Variants in CNTN4 observed in about 807,000 individuals in gnomAD.
The protein encoded by CNTN4 is contactin-4.
In CNTN4, 77 loss-of-function variants were observed where a neutral mutation model predicts 122.5. The ratio of observed to expected loss-of-function variants is 0.63; its 90% confidence interval spans 0.52 to 0.76. The LOEUF is 0.76. CNTN4 is among the 30% of genes least tolerant of loss of function. The pLI, the probability that CNTN4 is intolerant of heterozygous loss-of-function variation, is 0.00. For missense variants in CNTN4, 1,256 were observed against 1,259.1 expected, an observed-to-expected ratio of 1.00 and a Z score of 0.04; for synonymous variants, 512 against 447.0, an observed-to-expected ratio of 1.15 and a Z score of -1.83.
intron 3 of CNTN4, among the ~76,000 whole-genome samples, chr3:2,564,807 G>C (rs1442334298): frequency 6.6e-6 from 1 of 152,066 alleles, no homozygotes; most frequent in Non-Finnish European, 1.5e-5. Context: ...AGTATATTTT[G>C]AGAAATCCGT....
At chr3:2,121,568 G>C (rs546709738) in intron 2 of CNTN4, among the ~76,000 whole-genome samples, 1 of 151,846 alleles carries the variant, frequency 6.6e-6, no homozygotes, top group African/African-American at 2.4e-5. Context: ...ATTGTAAGTT[G>C]GTTACTATAG....
In CNTN4 at chr3:2,950,402, TTTGGGAAGCCCCAAACACA is replaced by T. The variant is rs531014524; in HGVS notation, c.1358+24625_1358+24643del. On this transcript the variant is annotated intron_variant, in intron 13 of 24. Coordinates refer to ENST00000418658, the MANE Select transcript of CNTN4 (RefSeq NM_175607.3). ...AATGGGCCTGAACCTGCCAAATGAG[TTTGGGAAGCCCCAAACACA>T]TCGGTAGCTTGTTATATAAGCATCT... Among the ~76,000 whole-genome samples, 227 of 152,206 alleles carry T rather than the reference TTTGGGAAGCCCCAAACACA, an allele frequency of 1.5e-3. 10 individuals are homozygous for T. In the South Asian group the frequency reaches 0.045, roughly 30 times the overall value.
intron 4 of CNTN4, among the ~76,000 whole-genome samples, chr3:2,720,448 G>A (rs536799032): frequency 1.6e-4 from 25 of 152,222 alleles, no homozygotes; most frequent in African/African-American, 5.3e-4. Context: ...GGTTTTCTGG[G>A]ACTTACACCT....
At chr3:2,567,056 C>T (rs1327327326) in intron 3 of CNTN4, among the ~76,000 whole-genome samples, 1 of 151,182 alleles carries the variant, frequency 6.6e-6, no homozygotes, top group South Asian at 2.1e-4. Context: ...TCACCCTCCT[C>T]GTAGACTTCA....
intron 4 of CNTN4, among the ~76,000 whole-genome samples, chr3:2,630,536 T>C (rs1254420851): frequency 6.6e-6 from 1 of 152,222 alleles, no homozygotes; most frequent in Non-Finnish European, 1.5e-5. Context: ...TGCTTTACGT[T>C]ACCTATTGGC....
intron 14 of CNTN4, among the ~76,000 whole-genome samples, chr3:3,016,318 T>G (rs1697754577): frequency 6.6e-6 from 1 of 152,198 alleles, no homozygotes; most frequent in South Asian, 2.1e-4. Context: ...TATACCCCCC[T>G]TCCCTCTTCT....
At position 2,351,190 on chromosome 3, in the gene CNTN4, C is replaced by G. The variant is rs533830563; in HGVS notation, c.-89+11957C>G. On this transcript the variant is annotated intron_variant, in intron 3 of 24. Coordinates refer to ENST00000418658, the MANE Select transcript of CNTN4 (RefSeq NM_175607.3). ...TCCATAATTGGAGAACTATATCGTA[C>G]AACTTCTGCCATGAATGTGAGACCA... 1.1e-4 allele frequency among the ~76,000 whole-genome samples: 16 copies of G among 152,270 alleles called. No individual in the cohort carries two copies. The East Asian group carries it at 3.1e-3, about 29-fold the overall frequency.
chr3:2,511,858 T>C (rs1187196632), intron 3 of CNTN4, among the ~76,000 whole-genome samples: 1 of 152,218 alleles, frequency 6.6e-6, no homozygotes, highest in African/African-American at 2.4e-5. Context: ...AAATCTCTTA[T>C]ATAATTGATT....
At chr3:2,776,066 T>C (rs772091756) in intron 6 of CNTN4, among the ~76,000 whole-genome samples, 1 of 152,142 alleles carries the variant, frequency 6.6e-6, no homozygotes, top group Non-Finnish European at 1.5e-5. Context: ...TCAAGTGAAA[T>C]GATTATTGAA....
At chr3:2,415,896 A>G (rs2151069971) in intron 3 of CNTN4, among the ~76,000 whole-genome samples, 1 of 152,236 alleles carries the variant, frequency 6.6e-6, no homozygotes, top group Admixed American at 6.5e-5. Context: ...TAACAACTCT[A>G]GAAGCTTAAT....
chr3:2,227,667 G>C (rs2039337918), intron 2 of CNTN4, among the ~76,000 whole-genome samples: 1 of 152,104 alleles, frequency 6.6e-6, no homozygotes, highest in African/African-American at 2.4e-5. Flanking sequence ...TGGCCAGCAT[G>C]ATTAAGATTT....
chr3:2,254,820 T>A (rs1304852702), intron 2 of CNTN4, among the ~76,000 whole-genome samples: 4 of 152,200 alleles, frequency 2.6e-5, no homozygotes, highest in Non-Finnish European at 4.4e-5. Flanking sequence ...AAAAATTTTC[T>A]CTCATTCTAT....
chr3:2,911,208 A>G lies in CNTN4; in HGVS notation c.1207+8203A>G, dbSNP rs201507596. ...GCCCCCTGAGAACAAAGTCTTATCA[A>G]CATGGCTTGGTCTGGTATCAGGCTG... On this transcript the variant is annotated intron_variant, in intron 12 of 24. Coordinates refer to ENST00000418658, the MANE Select transcript of CNTN4 (RefSeq NM_175607.3). 3.3e-4 allele frequency among the ~76,000 whole-genome samples: 50 copies of G among 152,228 alleles called. 1 individual carries two copies. The East Asian group carries it at 7.9e-3, about 24-fold the overall frequency.
At position 2,736,359 on chromosome 3, in the gene CNTN4, C is replaced by T. The variant is rs2089089558; in HGVS notation, c.182+18C>T. 2.5e-6 allele frequency: 4 copies of T among 1,609,146 alleles called. No homozygotes were observed. The highest frequency in any genetic ancestry group is 3.4e-6 in the Non-Finnish European group (4 of 1,176,396). Reference sequence around the variant, plus strand: ...CATATCAGGTTTGTTGATGTAAAAGCATGTGTTTCCATGCATATAGTTTCT... The same window carrying T: ...CATATCAGGTTTGTTGATGTAAAAGTATGTGTTTCCATGCATATAGTTTCT... On this transcript the variant is annotated intron_variant, in intron 5 of 24. Coordinates refer to ENST00000418658, the MANE Select transcript of CNTN4 (RefSeq NM_175607.3).
At chr3:2,614,362 G>C (rs997214724) in intron 4 of CNTN4, among the ~76,000 whole-genome samples, 6 of 152,140 alleles carry the variant, frequency 3.9e-5, no homozygotes, top group African/African-American at 1.4e-4. Context: ...GAAAAGGATT[G>C]ATTTTGATTC....
chr3:2,379,548 G>C (rs570978229), intron 3 of CNTN4, among the ~76,000 whole-genome samples: 1 of 152,234 alleles, frequency 6.6e-6, no homozygotes, highest in Admixed American at 6.5e-5. Context: ...TGCTATGTTA[G>C]TATAAATTGT....
At chr3:2,161,468 C>T (rs1297979837) in intron 2 of CNTN4, among the ~76,000 whole-genome samples, 1 of 151,828 alleles carries the variant, frequency 6.6e-6, no homozygotes, top group Non-Finnish European at 1.5e-5. Flanking sequence ...GGAGAGAGAT[C>T]TGAGAAATAC....
chr3:2,972,142 C>T (rs569222985), intron 13 of CNTN4, among the ~76,000 whole-genome samples: 312 of 152,272 alleles, frequency 2.0e-3, no homozygotes, highest in South Asian at 5.6e-3. Flanking sequence ...TTGTTTCCCT[C>T]TGCTATGTGA....
intron 3 of CNTN4, among the ~76,000 whole-genome samples, chr3:2,405,715 C>T (rs1301697630): frequency 6.6e-6 from 1 of 152,002 alleles, no homozygotes; most frequent in African/African-American, 2.4e-5. Context: ...AGAAATTGAA[C>T]ACCATCATCA....
Sources: allele counts gnomAD v4.1 joint callset (sites outside exome capture counted in the v4.1 genomes callset), GRCh38; gene constraint gnomAD v4.1.1; transcripts MANE v1.5; gene names NCBI Gene and HGNC (gene_info 2026-07-23, HGNC 2026-07-21).